HBS1L: variants seen among roughly 807,000 people sequenced by gnomAD.
HBS1L encodes HBS1 like translational GTPase.
Under a neutral mutation model 88.9 loss-of-function variants are expected in HBS1L, and 55 were observed. The observed-to-expected ratio is 0.62, with a 90% CI of 0.50 to 0.77. HBS1L has a LOEUF of 0.77. Ranked by LOEUF, HBS1L falls within the 30% of genes least tolerant of loss-of-function variation. The pLI, the probability that HBS1L is intolerant of heterozygous loss-of-function variation, is 0.00. For missense variants in HBS1L, 741 were observed against 829.3 expected, an observed-to-expected ratio of 0.89 and a Z score of 1.31; for synonymous variants, 267 against 288.5, an observed-to-expected ratio of 0.93 and a Z score of 0.76.
At chr6:135,002,617 C>A in intron 5 of HBS1L, 117 bp downstream of exon 5, 1 of 623,874 alleles carries the variant, frequency 1.6e-6, no homozygotes. Flanking sequence ...ATATATGATA[C>A]TTCAGTGCTA....
intron 4 of HBS1L, among the ~76,000 whole-genome samples, chr6:135,003,911 T>G (rs186635503): frequency 6.6e-6 from 1 of 152,016 alleles, no homozygotes; most frequent in Non-Finnish European, 1.5e-5. Flanking sequence ...AATGGAGGGA[T>G]GGAGGAGAAT....
Position 134,986,116 on chromosome 6 carries a change from G to A in HBS1L, c.1373C>T (p.Ser458Leu), listed in dbSNP as rs767590605. 6.2e-6 allele frequency: 10 copies of A among 1,600,784 alleles called. No homozygotes were observed. The highest frequency in any genetic ancestry group is 5.1e-6 in the Non-Finnish European group (6 of 1,169,006). The change falls in exon 11 of 18, where the codon TCA becomes TTA. Residue 458 changes from serine (S) to leucine (L), a missense_variant. Coordinates refer to ENST00000367837, the MANE Select transcript of HBS1L (RefSeq NM_006620.4). ...SGENLITRSQ[S>L]SELTKWYKGL... ...TTTATACCATTTTGTGAGTTCACTT[G>A]ACTGAGATCTTGTGATTAGATTTTC...
Position 134,964,235 on chromosome 6 carries a change from T to TCC in HBS1L, c.*1043_*1044insGG, listed in dbSNP as rs1238553325. 2.6e-5 allele frequency: 4 copies of TCC among 152,124 alleles called. No individual in the cohort carries two copies. Among genetic ancestry groups the TCC allele is most frequent in the South Asian group, 4.1e-4 (2 of 4,826 alleles). The allele number at this position is 152,124 out of a possible 1,614,324, so 9.4% of individuals were successfully genotyped here. A position where few individuals can be genotyped will look rare whatever the true frequency, so the allele number is the denominator to read the frequency against. On this transcript the variant is annotated 3_prime_UTR_variant, in exon 18 of 18. Transcript: ENST00000367837. ...CAGTCTATCAGATCAGAGTTCCAGG[T>TCC]TCAGCTGAGGTCAAAATCTACTCTA... is the stretch of plus-strand genomic sequence containing the variant.
At chr6:135,008,372 C>T (rs1775672003) in intron 4 of HBS1L, among the ~76,000 whole-genome samples, 1 of 152,222 alleles carries the variant, frequency 6.6e-6, no homozygotes, top group South Asian at 2.1e-4. Flanking sequence ...AGTGGCAAAG[C>T]TTGCACTTAA....
At chr6:135,012,053 T>C (rs1318645621) in intron 4 of HBS1L, among the ~76,000 whole-genome samples, 1 of 152,092 alleles carries the variant, frequency 6.6e-6, no homozygotes, top group Non-Finnish European at 1.5e-5. Flanking sequence ...TGTTGCTATG[T>C]ACACCATACT....
chr6:135,039,429 C>A (rs774182054), intron 4 of HBS1L, 144 bp downstream of exon 4: 62 of 667,940 alleles, frequency 9.3e-5, no homozygotes, highest in Non-Finnish European at 1.4e-4. Context: ...ACTAGATCAA[C>A]TGATAATCAA....
chr6:134,978,838 TC>T, intron 14 of HBS1L, 51 bp from the exon 15 acceptor site: 1 of 1,094,556 alleles, frequency 9.1e-7, no homozygotes, highest in Non-Finnish European at 1.4e-6. Context: ...CAAATTTACA[TC>T]AAATAGAAAG....
chr6:135,035,254 A>G (rs1189327676), intron 4 of HBS1L, among the ~76,000 whole-genome samples: 1 of 151,942 alleles, frequency 6.6e-6, no homozygotes, highest in Non-Finnish European at 1.5e-5. Flanking sequence ...GATCAAGACT[A>G]TCCTGGCCAA....
chr6:135,012,892 G>T (rs1159766620), intron 4 of HBS1L, among the ~76,000 whole-genome samples: 2 of 152,192 alleles, frequency 1.3e-5, no homozygotes, highest in African/African-American at 2.4e-5. Flanking sequence ...TATGAAGAAA[G>T]ACTCTTAGAT....
At chr6:134,990,345 A>G (rs954598887) in intron 8 of HBS1L, among the ~76,000 whole-genome samples, 1 of 152,158 alleles carries the variant, frequency 6.6e-6, no homozygotes, top group African/African-American at 2.4e-5. Context: ...TTGCAGCGCA[A>G]CTGTTAGTCT....
chr6:135,011,796 C>T (rs1775781987), intron 4 of HBS1L, among the ~76,000 whole-genome samples: 1 of 151,398 alleles, frequency 6.6e-6, no homozygotes, highest in Non-Finnish European at 1.5e-5. Flanking sequence ...ATCTCAGCTA[C>T]TCGGGAGGCT....
chr6:134,987,854 T>C (rs1775022014), intron 8 of HBS1L, 63 bp from the exon 9 acceptor site: 2 of 1,361,980 alleles, frequency 1.5e-6, no homozygotes, highest in Non-Finnish European at 1.9e-6. Context: ...AAAGGACAGA[T>C]TATTCAATTA....
intron 4 of HBS1L, among the ~76,000 whole-genome samples, chr6:135,008,629 A>T (rs530707170): frequency 1.3e-5 from 2 of 151,548 alleles, no homozygotes; most frequent in East Asian, 3.9e-4. Context: ...GGTCCTGAAG[A>T]TTTTTTTTTC....
chr6:134,987,666 A>G lies in HBS1L; in HGVS notation c.1209T>C (p.Val403=), dbSNP rs1266573616. ...VRSLGVTQLA[V]AVNKMDQVNW... ...ATACCTGATCCATTTTATTAACTGC[A>G]ACTGCAAGCTGCGTCACTCCCAGAG... Residue 403 remains valine, a synonymous_variant, in exon 9 of 18, where the codon GTT becomes GTC. Transcript: ENST00000367837. The G allele has an allele frequency of 6.9e-6, 11 of 1,602,268 alleles. No individual in the cohort carries two copies. Among genetic ancestry groups the G allele is most frequent in the Non-Finnish European group, 8.5e-6 (10 of 1,174,822 alleles).
rs189794741 is a variant in HBS1L, at chr6:135,016,214, A to T, written c.431-13372T>A. On this transcript the variant is annotated intron_variant, in intron 4 of 17. Coordinates refer to ENST00000367837, the MANE Select transcript of HBS1L (RefSeq NM_006620.4). ...CTAAAAATATTAATGCTTTGTCCAG[A>T]TCACGATTTTGTGAGTTTAAGTGAG... is the stretch of plus-strand genomic sequence containing the variant. 1.8e-3 allele frequency among the ~76,000 whole-genome samples: 271 copies of T among 152,262 alleles called. 3 individuals are homozygous for T. In the Middle Eastern group the frequency reaches 0.034, roughly 19 times the overall value.
intron 7 of HBS1L, 121 bp downstream of exon 7, chr6:134,996,656 G>A (rs1775296149): frequency 1.5e-6 from 1 of 684,756 alleles, no homozygotes; most frequent in Admixed American, 3.2e-5. Flanking sequence ...ATATCTAAAA[G>A]CTATTTTCTA....
intron 4 of HBS1L, among the ~76,000 whole-genome samples, chr6:135,025,908 G>C (rs1278999547): frequency 2.0e-5 from 3 of 152,142 alleles, no homozygotes; most frequent in Non-Finnish European, 4.4e-5. Flanking sequence ...AGCCAGCAGG[G>C]CTCAGGAGAA....
At chr6:134,996,712 T>A (rs772568895) in intron 7 of HBS1L, 65 bp downstream of exon 7, 22 of 1,157,952 alleles carry the variant, frequency 1.9e-5, no homozygotes, top group African/African-American at 3.1e-5. Flanking sequence ...ATTCAACACA[T>A]ATTACACACT....
chr6:134,982,423 G>C, intron 13 of HBS1L, 35 bp downstream of exon 13: 1 of 1,325,080 alleles, frequency 7.5e-7, no homozygotes, highest in Non-Finnish European at 1.1e-6. Context: ...CTCAACTTAA[G>C]GCTTGTTTAG....
Sources: gnomAD v4.1 joint callset for allele counts (sites outside exome capture counted in the v4.1 genomes callset) on GRCh38, gnomAD v4.1.1 for gene constraint, MANE v1.5 for transcripts, NCBI Gene and HGNC (gene_info 2026-07-23, HGNC 2026-07-21) for gene names.